The following STXBP5L variants were observed in gnomAD, a reference collection of about 807,000 sequenced individuals.
STXBP5L encodes syntaxin binding protein 5L, also known as syntaxin-binding protein 5-like.
Under a neutral mutation model 144.5 loss-of-function variants are expected in STXBP5L, and 65 were observed. The observed-to-expected ratio is 0.45, with a 90% CI of 0.37 to 0.55. STXBP5L has a LOEUF of 0.55. STXBP5L is among the 20% of genes least tolerant of loss of function. STXBP5L has a pLI of 0.00. For synonymous variants in STXBP5L, 505 were observed against 469.6 expected (o/e 1.08, Z -0.97); for missense variants, 1,298 against 1,405.5 (o/e 0.92, Z 1.22).
rs540018207 is a variant in STXBP5L at position 121,007,927 on chromosome 3, TA to T, written c.288-33765del. 7.4e-3 allele frequency among the ~76,000 whole-genome samples: 1,129 copies of T among 152,074 alleles called. 12 individuals carry two copies. Among genetic ancestry groups the T allele is most frequent in the African/African-American group, 0.026 (1,070 of 41,520 alleles). Reference sequence around the variant, plus strand: ...TACAGGTGTTATTCATTTATGACATTAAAAAAAATTTATAATGGGAGAGTTA... The same window carrying T: ...TACAGGTGTTATTCATTTATGACATTAAAAAAATTTATAATGGGAGAGTTA... On this transcript the variant is annotated intron_variant, in intron 3 of 26. Coordinates refer to ENST00000471454, the MANE Select transcript of STXBP5L (RefSeq NM_001308330.2).
In STXBP5L at chr3:121,134,480, G is replaced by T. The variant is rs143720323; in HGVS notation, c.669+12776G>T. On this transcript the variant is annotated intron_variant, in intron 7 of 26. Transcript: ENST00000471454. Reference sequence around the variant, plus strand: ...GTAAGTTTGTTACATATGTATACATGTGCCATGTTGGTGTGCTGCACCCAT... The same window carrying T: ...GTAAGTTTGTTACATATGTATACATTTGCCATGTTGGTGTGCTGCACCCAT... 4.5e-3 allele frequency among the ~76,000 whole-genome samples: 688 copies of T among 152,094 alleles called. 4 individuals carry two copies. Among genetic ancestry groups the T allele is most frequent in the African/African-American group, 0.016 (656 of 41,486 alleles).
intron 7 of STXBP5L, among the ~76,000 whole-genome samples, chr3:121,143,497 A>C (rs1019018567): frequency 6.6e-6 from 1 of 151,890 alleles, no homozygotes; most frequent in African/African-American, 2.4e-5. Context: ...AGTGGGATCT[A>C]TCTCTGAAGT....
intron 7 of STXBP5L, among the ~76,000 whole-genome samples, chr3:121,130,583 T>TCAG (rs1221465626): frequency 6.6e-6 from 1 of 152,090 alleles, no homozygotes; most frequent in Non-Finnish European, 1.5e-5. Context: ...CATAGACAAG[T>TCAG]CAGAGGATTG....
chr3:121,051,976 T>A (rs1479306248), intron 5 of STXBP5L, among the ~76,000 whole-genome samples: 1 of 151,954 alleles, frequency 6.6e-6, no homozygotes, highest in Admixed American at 6.5e-5. Flanking sequence ...AACTAGAAAA[T>A]CTAGAAGAAA....
At chr3:120,999,816 T>G (rs1024368211) in intron 3 of STXBP5L, among the ~76,000 whole-genome samples, 1 of 152,068 alleles carries the variant, frequency 6.6e-6, no homozygotes, top group Admixed American at 6.6e-5. Flanking sequence ...AATATTGCAT[T>G]TCTCCTTTAT....
intron 2 of STXBP5L, among the ~76,000 whole-genome samples, chr3:120,920,059 G>T (rs1709287634): frequency 6.6e-6 from 1 of 151,584 alleles, no homozygotes; most frequent in Non-Finnish European, 1.5e-5. Flanking sequence ...TAAAATAAAA[G>T]AACCTGGAAA....
At chr3:121,003,434 T>C (rs1943964110) in intron 3 of STXBP5L, among the ~76,000 whole-genome samples, 1 of 152,228 alleles carries the variant, frequency 6.6e-6, no homozygotes, top group African/African-American at 2.4e-5. Context: ...TTGAGTTCAT[T>C]GTAGATTCTG....
At chr3:121,121,157 T>C (rs2044442597) in intron 6 of STXBP5L, among the ~76,000 whole-genome samples, 1 of 151,148 alleles carries the variant, frequency 6.6e-6, no homozygotes. Flanking sequence ...ATCACTAGAG[T>C]AGATTTATTT....
chr3:121,241,019 G>A (rs575088527), intron 14 of STXBP5L, among the ~76,000 whole-genome samples: 1 of 152,144 alleles, frequency 6.6e-6, no homozygotes, highest in Non-Finnish European at 1.5e-5. Flanking sequence ...CTAATGGGAA[G>A]ATAGAGTAAA....
At chr3:121,219,227 C>G (rs915677008) in intron 10 of STXBP5L, among the ~76,000 whole-genome samples, 16 of 152,070 alleles carry the variant, frequency 1.1e-4, no homozygotes, top group African/African-American at 3.6e-4. Flanking sequence ...GTTAAGAATA[C>G]TAAAATTTAT....
At chr3:120,933,729 C>T (rs188338232) in intron 2 of STXBP5L, among the ~76,000 whole-genome samples, 75 of 152,150 alleles carry the variant, frequency 4.9e-4, no homozygotes, top group African/African-American at 1.7e-3. Context: ...GATGAAAATT[C>T]CAGATCCTAG....
At chr3:121,206,674 C>A (rs1437995883) in intron 10 of STXBP5L, among the ~76,000 whole-genome samples, 2 of 152,072 alleles carry the variant, frequency 1.3e-5, no homozygotes, top group East Asian at 1.9e-4. Context: ...ATTAGCTGGG[C>A]ATGGTGGCAT....
chr3:121,198,804 G>A lies in STXBP5L; in HGVS notation c.878-7119G>A, dbSNP rs150771305. ...AAGATCAGATGGTTGTAGGTGTGTG[G>A]TATTATTTCTGAGGTCTTTGTTCTG... On this transcript the variant is annotated intron_variant, in intron 9 of 26. Transcript: ENST00000471454. Among the ~76,000 whole-genome samples, 39 of 152,206 alleles carry A rather than the reference G, an allele frequency of 2.6e-4. No homozygotes were observed. The East Asian group carries it at 6.6e-3, about 26-fold the overall frequency.
chr3:121,030,793 A>G (rs1490655230), intron 3 of STXBP5L, among the ~76,000 whole-genome samples: 2 of 152,096 alleles, frequency 1.3e-5, no homozygotes, highest in Non-Finnish European at 2.9e-5. Flanking sequence ...ATTTTGATGC[A>G]TGATAAAGCT....
chr3:121,326,111 A>G (rs538725919), intron 20 of STXBP5L, among the ~76,000 whole-genome samples: 10 of 152,020 alleles, frequency 6.6e-5, no homozygotes, highest in Non-Finnish European at 1.2e-4. Context: ...CAACTATATG[A>G]CATTAATAGT....
At chr3:121,034,710 A>C (rs1474789743) in intron 3 of STXBP5L, among the ~76,000 whole-genome samples, 1 of 152,138 alleles carries the variant, frequency 6.6e-6, no homozygotes, top group African/African-American at 2.4e-5. Flanking sequence ...TTTTGGTATA[A>C]TGATTTCTTC....
intron 19 of STXBP5L, among the ~76,000 whole-genome samples, chr3:121,308,315 G>A (rs1374386425): frequency 1.3e-5 from 2 of 152,114 alleles, no homozygotes; most frequent in Non-Finnish European, 2.9e-5. Context: ...TTTCAAAAAT[G>A]TAGGTGAAAT....
chr3:121,270,488 T>C (rs1220260294), intron 18 of STXBP5L, among the ~76,000 whole-genome samples: 2 of 152,134 alleles, frequency 1.3e-5, no homozygotes, highest in African/African-American at 4.8e-5. Flanking sequence ...TGTCTCGCTC[T>C]ATTGCCCAGA....
intron 3 of STXBP5L, among the ~76,000 whole-genome samples, chr3:120,969,113 C>T (rs933386907): frequency 6.6e-6 from 1 of 151,974 alleles, no homozygotes; most frequent in African/African-American, 2.4e-5. Flanking sequence ...TAAGGAACGT[C>T]TATACTGTTT....
Sources: gnomAD v4.1 joint callset for allele counts (sites outside exome capture counted in the v4.1 genomes callset) on GRCh38, gnomAD v4.1.1 for gene constraint, MANE v1.5 for transcripts, NCBI Gene and HGNC (gene_info 2026-07-23, HGNC 2026-07-21) for gene names.